Variants in PCDH15 observed in about 807,000 individuals in gnomAD.
The protein encoded by PCDH15 is protocadherin related 15, also known as protocadherin-15.
A neutral mutation model predicts 178.5 loss-of-function variants in PCDH15; 129 were observed. The observed-to-expected ratio is 0.72, with a 90% CI of 0.63 to 0.84. PCDH15 has a LOEUF of 0.84. PCDH15 is among the 40% of genes least tolerant of loss of function. PCDH15 has a pLI of 0.00. For missense variants in PCDH15, 2,230 were observed against 2,099.9 expected (o/e 1.06, Z -1.21); for synonymous variants, 800 against 732.0 (o/e 1.09, Z -1.50).
intron 2 of PCDH15, among the ~76,000 whole-genome samples, chr10:55,416,185 G>A (rs1014023488): frequency 2.6e-5 from 4 of 151,540 alleles, no homozygotes; most frequent in Non-Finnish European, 5.9e-5. Flanking sequence ...AAAATTAATA[G>A]GTTTTATGCA....
chr10:55,091,933 G>A (rs1842329070), intron 2 of PCDH15, among the ~76,000 whole-genome samples: 1 of 150,372 alleles, frequency 6.7e-6, no homozygotes. Flanking sequence ...GTGCATGCCA[G>A]AAACTGTGGG....
chr10:54,283,603 C>T (rs2384436), intron 8 of PCDH15, among the ~76,000 whole-genome samples: 109,421 of 151,596 alleles, frequency 0.72, 40,414 homozygotes, highest in Middle Eastern at 0.82. Flanking sequence ...GTATTTATTA[C>T]AATAAGCAAA....
At chr10:54,955,250 CT>C (rs1838453610) in intron 2 of PCDH15, among the ~76,000 whole-genome samples, 1 of 151,208 alleles carries the variant, frequency 6.6e-6, no homozygotes, top group Non-Finnish European at 1.5e-5. Flanking sequence ...AATTATATTG[CT>C]CCACAATTTA....
intron 15 of PCDH15, among the ~76,000 whole-genome samples, chr10:54,098,014 C>T (rs1335359811): frequency 6.6e-6 from 1 of 152,102 alleles, no homozygotes; most frequent in South Asian, 2.1e-4. Flanking sequence ...GGGAGCCTAA[C>T]TTTAATATAC....
At chr10:54,973,378 A>T (rs1359150215) in intron 2 of PCDH15, among the ~76,000 whole-genome samples, 4 of 152,174 alleles carry the variant, frequency 2.6e-5, no homozygotes, top group Admixed American at 2.6e-4. Flanking sequence ...TAGAGATTAA[A>T]TTTTTTAGGT....
intron 2 of PCDH15, among the ~76,000 whole-genome samples, chr10:55,482,348 T>C (rs1400004308): frequency 6.6e-6 from 1 of 151,840 alleles, no homozygotes; most frequent in Non-Finnish European, 1.5e-5. Flanking sequence ...TGTGTGGATT[T>C]GATCCATTCA....
intron 6 of PCDH15, among the ~76,000 whole-genome samples, chr10:54,339,050 C>T (rs367648501): frequency 6.8e-6 from 1 of 146,582 alleles, no homozygotes; most frequent in Non-Finnish European, 1.5e-5. Flanking sequence ...CAGAGTTCTT[C>T]TTTTATTTTT....
At chr10:55,179,191 G>T (rs1162467693) in intron 1 of PCDH15, among the ~76,000 whole-genome samples, 2 of 152,070 alleles carry the variant, frequency 1.3e-5, no homozygotes, top group Non-Finnish European at 1.5e-5. Context: ...AGGCCTCTGA[G>T]AGATATCTGA....
intron 2 of PCDH15, among the ~76,000 whole-genome samples, chr10:55,051,391 A>G (rs1182210630): frequency 1.3e-5 from 2 of 152,176 alleles, no homozygotes; most frequent in Non-Finnish European, 2.9e-5. Context: ...TATAGTAAAC[A>G]GTAGCAATAC....
At chr10:55,243,357 A>G (rs752135497) in intron 1 of PCDH15, among the ~76,000 whole-genome samples, 4 of 152,210 alleles carry the variant, frequency 2.6e-5, no homozygotes, top group Non-Finnish European at 4.4e-5. Context: ...CTGAATGTAA[A>G]TTGTGATGAA....
chr10:53,897,377 T>C (rs1170422814), intron 26 of PCDH15, among the ~76,000 whole-genome samples: 2 of 152,202 alleles, frequency 1.3e-5, no homozygotes, highest in African/African-American at 2.4e-5. Flanking sequence ...TTCACATTCA[T>C]AAGAGCTTCA....
At chr10:54,494,585 A>C (rs932438956) in intron 3 of PCDH15, among the ~76,000 whole-genome samples, 1 of 152,118 alleles carries the variant, frequency 6.6e-6, no homozygotes, top group African/African-American at 2.4e-5. Context: ...TCTCTGCTCT[A>C]TGATGCAGCC....
rs1329513227 is a variant in PCDH15, at chr10:54,046,387, C to G, written c.2220+20370G>C. Among the ~76,000 whole-genome samples, 4 of 152,276 alleles carry G rather than the reference C, an allele frequency of 2.6e-5. No individual in the cohort carries two copies. In the South Asian group the frequency reaches 8.3e-4, roughly 32 times the overall value. The stretch of plus-strand genomic sequence containing the variant: ...GATAACATCCTCAAACTGGAGAGCT[C>G]TCAAACACTCATCAACATGAGAATG... On this transcript the variant is annotated intron_variant, in intron 18 of 37. Coordinates refer to ENST00000644397, the MANE Select transcript of PCDH15 (RefSeq NM_001384140.1).
At chr10:55,018,227 T>A (rs1349575743) in intron 2 of PCDH15, among the ~76,000 whole-genome samples, 1 of 152,032 alleles carries the variant, frequency 6.6e-6, no homozygotes, top group Admixed American at 6.6e-5. Context: ...AAAAAGTTGA[T>A]CTATGATGAA....
rs1168621738 is a variant in PCDH15 at position 54,195,987 on chromosome 10, CTAA to C, written c.1099-101_1099-99del. The C allele has an allele frequency of 2.9e-6, 3 of 1,043,052 alleles. No homozygotes were observed. The East Asian group carries it at 7.7e-5, about 27-fold the overall frequency. 64.6% of individuals were successfully genotyped at this position (1,043,052 alleles called of 1,614,324 possible). ...GCAATATATAGGGTTCTCTTTTTAA[CTAA>C]TATCATCACATAAGGAAAAAATACG... On this transcript the variant is annotated intron_variant, in intron 10 of 37. Coordinates refer to ENST00000644397, the MANE Select transcript of PCDH15 (RefSeq NM_001384140.1).
intron 21 of PCDH15, among the ~76,000 whole-genome samples, chr10:53,964,408 TTTTATAAA>T (rs2088738007): frequency 7.3e-6 from 1 of 136,520 alleles, no homozygotes; most frequent in Non-Finnish European, 1.7e-5. Flanking sequence ...TTCATAAAAT[TTTTATAAA>T]TTTTATTTAT....
intron 2 of PCDH15, among the ~76,000 whole-genome samples, chr10:54,940,151 T>G (rs551587524): frequency 2.6e-4 from 39 of 152,256 alleles, no homozygotes; most frequent in African/African-American, 9.1e-4. Context: ...GTGATTATTA[T>G]TTTTTAAAAT....
chr10:53,880,130 G>A (rs1215093934), intron 26 of PCDH15, among the ~76,000 whole-genome samples: 1 of 152,048 alleles, frequency 6.6e-6, no homozygotes, highest in African/African-American at 2.4e-5. Context: ...AAATTTTACT[G>A]AGAAACCACT....
At position 53,804,113 on chromosome 10, in the gene PCDH15, C is replaced by G. The variant is rs140936631; in HGVS notation, c.*2466G>C. On this transcript the variant is annotated 3_prime_UTR_variant, in exon 38 of 38. Coordinates refer to ENST00000644397, the MANE Select transcript of PCDH15 (RefSeq NM_001384140.1). Reference sequence around the variant, plus strand: ...TAATAATTTTGCTGCTCTACGTTACCCAAAAATATACTGACCAAATATTTG... The same window carrying G: ...TAATAATTTTGCTGCTCTACGTTACGCAAAAATATACTGACCAAATATTTG... 6.6e-6 allele frequency: 1 copy of G among 151,784 alleles called. No individual in the cohort carries two copies. Among genetic ancestry groups the G allele is most frequent in the East Asian group, 1.9e-4 (1 of 5,158 alleles). 9.4% of individuals were successfully genotyped at this position (151,784 alleles called of 1,614,324 possible). A position where few individuals can be genotyped will look rare whatever the true frequency, so the allele number is the denominator to read the frequency against.
Sources: allele counts gnomAD v4.1 joint callset (sites outside exome capture counted in the v4.1 genomes callset), GRCh38; gene constraint gnomAD v4.1.1; transcripts MANE v1.5; gene names NCBI Gene and HGNC (gene_info 2026-07-23, HGNC 2026-07-21).